DAB2IP: variants seen among roughly 807,000 people sequenced by gnomAD.
The protein encoded by DAB2IP is DAB2 interacting protein.
DAB2IP carries 28 observed loss-of-function variants against 107.2 expected under a neutral mutation model. The observed-to-expected ratio is 0.26, with a 90% CI of 0.19 to 0.36. The LOEUF (loss-of-function observed/expected upper bound fraction) is 0.36, where lower values mean the gene tolerates loss of function less well. DAB2IP is among the 10% of genes least tolerant of loss of function. The pLI, the probability that DAB2IP is intolerant of heterozygous loss-of-function variation, is 1.00. For synonymous variants in DAB2IP, 755 were observed against 706.4 expected, an observed-to-expected ratio of 1.07 and a Z score of -1.09; for missense variants, 1,400 against 1,644.7, an observed-to-expected ratio of 0.85 and a Z score of 2.57.
intron 3 of DAB2IP, among the ~76,000 whole-genome samples, chr9:121,744,489 T>G (rs1035742270): frequency 1.3e-5 from 2 of 152,184 alleles, no homozygotes; most frequent in Non-Finnish European, 1.5e-5. Flanking sequence ...TTGCCACGGC[T>G]GGGGGCGGAT....
intron 1 of DAB2IP, among the ~76,000 whole-genome samples, chr9:121,640,118 C>A (rs1052787025): frequency 6.6e-6 from 1 of 152,154 alleles, no homozygotes; most frequent in Non-Finnish European, 1.5e-5. Flanking sequence ...ACTCAGGGGT[C>A]CTTCCTGTGC....
intron 1 of DAB2IP, among the ~76,000 whole-genome samples, chr9:121,625,837 A>G (rs1831625527): frequency 6.6e-6 from 1 of 152,146 alleles, no homozygotes; most frequent in Admixed American, 6.5e-5. Context: ...AGGATTTTAC[A>G]TCCAAATCTG....
intron 3 of DAB2IP, among the ~76,000 whole-genome samples, chr9:121,755,486 G>GT (rs112951457): frequency 0.025 from 3,872 of 152,328 alleles, 167 homozygotes; most frequent in African/African-American, 0.088. Context: ...TTCGTGCTGG[G>GT]TGTGGAGAGG....
At chr9:121,753,525 A>G (rs1192104045) in intron 3 of DAB2IP, among the ~76,000 whole-genome samples, 3 of 152,184 alleles carry the variant, frequency 2.0e-5, no homozygotes, top group Admixed American at 2.0e-4. Context: ...CCCAGATACC[A>G]CACCACATAG....
At chr9:121,741,305 T>C (rs2118896372) in intron 3 of DAB2IP, among the ~76,000 whole-genome samples, 1 of 151,970 alleles carries the variant, frequency 6.6e-6, no homozygotes, top group South Asian at 2.1e-4. Context: ...GAACTCCCCA[T>C]AGGTAAGGTG....
chr9:121,583,017 G>C (rs937436206), intron 1 of DAB2IP, among the ~76,000 whole-genome samples: 1 of 152,222 alleles, frequency 6.6e-6, no homozygotes, highest in Non-Finnish European at 1.5e-5. Flanking sequence ...AGTAACCAGC[G>C]AGCATTTGTT....
chr9:121,657,689 T>C (rs955855545), intron 1 of DAB2IP, among the ~76,000 whole-genome samples: 6 of 152,048 alleles, frequency 3.9e-5, no homozygotes, highest in African/African-American at 1.4e-4. Context: ...TTGCTGCAAC[T>C]CAGAGAGCGC....
At chr9:121,761,467 C>A (rs759292780) in intron 6 of DAB2IP, among the ~76,000 whole-genome samples, 18 of 152,188 alleles carry the variant, frequency 1.2e-4, no homozygotes, top group Non-Finnish European at 2.6e-4. Context: ...GGAGCCATAC[C>A]CCAGGGCAGA....
chr9:121,753,403 C>T (rs753366190), intron 3 of DAB2IP, among the ~76,000 whole-genome samples: 5 of 152,196 alleles, frequency 3.3e-5, no homozygotes, highest in Non-Finnish European at 7.3e-5. Flanking sequence ...GGGAGGATGC[C>T]GTGGGCCATG....
intron 1 of DAB2IP, among the ~76,000 whole-genome samples, chr9:121,628,061 A>G (rs1831731593): frequency 6.6e-6 from 1 of 152,338 alleles, no homozygotes; most frequent in Admixed American, 6.5e-5. Flanking sequence ...TAAGAACGAC[A>G]CTGCTGTTAT....
chr9:121,665,029 T>C (rs952287209), intron 1 of DAB2IP, among the ~76,000 whole-genome samples: 1 of 152,168 alleles, frequency 6.6e-6, no homozygotes, highest in Non-Finnish European at 1.5e-5. Flanking sequence ...ATTAGAACTT[T>C]GGAGATAAGT....
In DAB2IP at chr9:121,782,793, T is replaced by A; in HGVS notation, c.*295T>A. On this transcript the variant is annotated 3_prime_UTR_variant, in exon 16 of 16. Transcript: ENST00000408936. The surrounding 1 kb of genome is among the most constrained non-coding windows in gnomAD (Gnocchi z 6.1). Reference sequence around the variant, plus strand: ...GGCCTGCCAAAAATATGTCTGTTGGTTCCTGAATGTGGTGTGTCCTTGTCC... The same window carrying A: ...GGCCTGCCAAAAATATGTCTGTTGGATCCTGAATGTGGTGTGTCCTTGTCC... 2 of 1,247,776 alleles carry A rather than the reference T, an allele frequency of 1.6e-6. No homozygotes were observed. Among genetic ancestry groups the A allele is most frequent in the South Asian group, 4.2e-5 (2 of 47,748 alleles). The allele number at this position is 1,247,776 out of a possible 1,614,324, so 77.3% of individuals were successfully genotyped here.
chr9:121,729,091 T>C (rs985947393), intron 3 of DAB2IP, among the ~76,000 whole-genome samples: 1 of 152,318 alleles, frequency 6.6e-6, no homozygotes, highest in African/African-American at 2.4e-5. Context: ...TCCCAGGTAC[T>C]TGACAGTCAT....
At chr9:121,677,245 A>G (rs1366545897) in intron 1 of DAB2IP, among the ~76,000 whole-genome samples, 1 of 152,250 alleles carries the variant, frequency 6.6e-6, no homozygotes, top group Non-Finnish European at 1.5e-5. Flanking sequence ...GGGGGCTGAC[A>G]TAGTGGCTGA....
chr9:121,650,417 T>G (rs565957754), upstream of DAB2IP, among the ~76,000 whole-genome samples: 1 of 152,266 alleles, frequency 6.6e-6, no homozygotes, highest in South Asian at 2.1e-4. Flanking sequence ...CCGGCCTGGA[T>G]TTCTGCCCAG....
At chr9:121,627,586 G>A (rs1170564110) in intron 1 of DAB2IP, among the ~76,000 whole-genome samples, 1 of 152,156 alleles carries the variant, frequency 6.6e-6, no homozygotes, top group Admixed American at 6.5e-5. Flanking sequence ...TCTCCTGGCA[G>A]CAGGATGTGA....
chr9:121,628,575 G>A (rs1017429608), intron 1 of DAB2IP, among the ~76,000 whole-genome samples: 3 of 152,218 alleles, frequency 2.0e-5, no homozygotes, highest in Admixed American at 1.3e-4. Flanking sequence ...AATCTGCAGA[G>A]TGTGGGCAAT....
At chr9:121,576,522 T>G (rs1408581505) in intron 1 of DAB2IP, among the ~76,000 whole-genome samples, 3 of 152,102 alleles carry the variant, frequency 2.0e-5, no homozygotes, top group African/African-American at 7.2e-5. Context: ...TTGGGCTGCC[T>G]AGGCTCCCTG....
intron 3 of DAB2IP, among the ~76,000 whole-genome samples, chr9:121,756,491 G>T (rs1179084581): frequency 6.6e-6 from 1 of 152,260 alleles, no homozygotes; most frequent in East Asian, 1.9e-4. Context: ...GGGAGCAGCA[G>T]GGTCCCTGTG....
Sources: allele counts gnomAD v4.1 joint callset (sites outside exome capture counted in the v4.1 genomes callset), GRCh38; gene constraint gnomAD v4.1.1; non-coding constraint Gnocchi (gnomAD v3.1); transcripts MANE v1.5; gene names NCBI Gene and HGNC (gene_info 2026-07-23, HGNC 2026-07-21).